AGBL4: variants seen among roughly 807,000 people sequenced by gnomAD.
AGBL4 encodes cytosolic carboxypeptidase 6.
In AGBL4, 58 loss-of-function variants were observed where a neutral mutation model predicts 66.4. That is an observed-to-expected ratio of 0.87 (90% CI 0.71 to 1.09). The LOEUF is 1.09. Ranked by LOEUF, AGBL4 falls within the 50% of genes least tolerant of loss-of-function variation. AGBL4 has a pLI of 0.00. For synonymous variants in AGBL4, 234 were observed against 222.9 expected, an observed-to-expected ratio of 1.05 and a Z score of -0.44; for missense variants, 579 against 631.0, an observed-to-expected ratio of 0.92 and a Z score of 0.88.
At chr1:48,602,758 T>C (rs1172837396) in intron 9 of AGBL4, among the ~76,000 whole-genome samples, 1 of 152,198 alleles carries the variant, frequency 6.6e-6, no homozygotes, top group Non-Finnish European at 1.5e-5. Context: ...AGGCAGGCAC[T>C]TGGCATCTCT....
At chr1:49,738,602 G>A (rs1650113681) in intron 2 of AGBL4, among the ~76,000 whole-genome samples, 1 of 152,208 alleles carries the variant, frequency 6.6e-6, no homozygotes. Flanking sequence ...AGGACAGACT[G>A]CCTCCTCAAG....
intron 3 of AGBL4, among the ~76,000 whole-genome samples, chr1:49,474,607 T>C (rs1646811012): frequency 6.6e-6 from 1 of 151,804 alleles, no homozygotes; most frequent in Non-Finnish European, 1.5e-5. Flanking sequence ...TTTTTTTTGG[T>C]GTATTAAAAT....
intron 9 of AGBL4, among the ~76,000 whole-genome samples, chr1:48,616,152 A>G (rs1645314586): frequency 6.6e-6 from 1 of 152,218 alleles, no homozygotes; most frequent in Non-Finnish European, 1.5e-5. Context: ...TGAACTGGCA[A>G]TATCAGCATG....
chr1:48,706,928 T>G (rs1407033596), intron 6 of AGBL4, among the ~76,000 whole-genome samples: 1 of 152,180 alleles, frequency 6.6e-6, no homozygotes, highest in Non-Finnish European at 1.5e-5. Flanking sequence ...CCTGAGGTCG[T>G]TCTTGAGTGA....
chr1:49,933,558 T>A (rs1653589172), intron 1 of AGBL4, among the ~76,000 whole-genome samples: 1 of 151,878 alleles, frequency 6.6e-6, no homozygotes, highest in African/African-American at 2.4e-5. Flanking sequence ...GTGTAAAAAT[T>A]TAAAAAACAA....
At chr1:49,419,782 A>T (rs1452440986) in intron 3 of AGBL4, among the ~76,000 whole-genome samples, 1 of 152,242 alleles carries the variant, frequency 6.6e-6, no homozygotes, top group Non-Finnish European at 1.5e-5. Context: ...TATTAGGTAT[A>T]AATACAAAAG....
chr1:48,988,655 C>T (rs531920014), intron 5 of AGBL4, among the ~76,000 whole-genome samples: 4 of 152,222 alleles, frequency 2.6e-5, no homozygotes, highest in South Asian at 2.1e-4. Flanking sequence ...CAAATTATGC[C>T]GCACTCTCTT....
chr1:48,979,182 C>T (rs987046141), intron 5 of AGBL4, among the ~76,000 whole-genome samples: 1 of 152,178 alleles, frequency 6.6e-6, no homozygotes, highest in Non-Finnish European at 1.5e-5. Flanking sequence ...TAAATATGCA[C>T]TTAACTCTAA....
At chr1:49,061,083 A>G (rs974433834) in intron 4 of AGBL4, among the ~76,000 whole-genome samples, 1 of 152,166 alleles carries the variant, frequency 6.6e-6, no homozygotes, top group Non-Finnish European at 1.5e-5. Context: ...AAGGAGAAGA[A>G]TGAGGAGGGG....
intron 3 of AGBL4, among the ~76,000 whole-genome samples, chr1:49,638,688 G>A (rs976873846): frequency 6.6e-6 from 1 of 152,132 alleles, no homozygotes; most frequent in African/African-American, 2.4e-5. Context: ...TTTCTTGCCT[G>A]CTGCCATGTA....
chr1:49,728,536 T>A (rs535713821), intron 2 of AGBL4, among the ~76,000 whole-genome samples: 6 of 152,318 alleles, frequency 3.9e-5, no homozygotes, highest in African/African-American at 1.4e-4. Flanking sequence ...TAGTTTGTAA[T>A]GAGCTTGCCA....
chr1:49,855,297 A>G (rs1184032554), intron 1 of AGBL4, among the ~76,000 whole-genome samples: 1 of 152,124 alleles, frequency 6.6e-6, no homozygotes, highest in East Asian at 1.9e-4. Context: ...AGAGAAATAA[A>G]CCCCAATACA....
intron 3 of AGBL4, among the ~76,000 whole-genome samples, chr1:49,490,154 G>A (rs1647159147): frequency 6.6e-6 from 1 of 151,670 alleles, no homozygotes; most frequent in South Asian, 2.1e-4. Flanking sequence ...ACAACAATTT[G>A]TGGTTTTAAT....
At chr1:48,862,951 T>C (rs888627238) in intron 6 of AGBL4, among the ~76,000 whole-genome samples, 2 of 152,142 alleles carry the variant, frequency 1.3e-5, no homozygotes, top group Non-Finnish European at 1.5e-5. Flanking sequence ...CTCACTAAAA[T>C]AGCTATTAAA....
intron 5 of AGBL4, among the ~76,000 whole-genome samples, chr1:49,030,820 C>CAAAAAAAAAAAAAAAAAAGA (rs34872551): frequency 1.6e-5 from 1 of 62,076 alleles, no homozygotes; most frequent in Non-Finnish European, 3.3e-5. Flanking sequence ...TAAGTAGAGG[C>CAAAAAAAAAAAAAAAAAAGA]AAAAAAAAAA....
At chr1:49,296,509 G>A (rs1557816191) in intron 3 of AGBL4, among the ~76,000 whole-genome samples, 2 of 152,156 alleles carry the variant, frequency 1.3e-5, no homozygotes, top group East Asian at 3.9e-4. Context: ...CTTTCTCTGT[G>A]ACTTCATTCC....
At chr1:49,933,015 G>T (rs571208972) in intron 1 of AGBL4, among the ~76,000 whole-genome samples, 2 of 152,090 alleles carry the variant, frequency 1.3e-5, no homozygotes, top group East Asian at 3.9e-4. Context: ...GGAAGAATAG[G>T]GTTCAAATAC....
intron 4 of AGBL4, among the ~76,000 whole-genome samples, chr1:49,167,914 T>A (rs1387236848): frequency 1.3e-5 from 2 of 152,112 alleles, no homozygotes; most frequent in Non-Finnish European, 2.9e-5. Flanking sequence ...AATACTATTT[T>A]AAAAATAATA....
At chr1:49,492,715 G>A (rs2148746636) in intron 3 of AGBL4, among the ~76,000 whole-genome samples, 1 of 152,064 alleles carries the variant, frequency 6.6e-6, no homozygotes, top group African/African-American at 2.4e-5. Context: ...GGATCCAGGA[G>A]CTTTTCATCT....
Sources: gnomAD v4.1 joint callset for allele counts (sites outside exome capture counted in the v4.1 genomes callset) on GRCh38, gnomAD v4.1.1 for gene constraint, MANE v1.5 for transcripts, NCBI Gene and HGNC (gene_info 2026-07-23, HGNC 2026-07-21) for gene names.